The following NAA38 variants were observed in gnomAD, a reference collection of about 807,000 sequenced individuals.
The protein encoded by NAA38 is LSM domain containing 1.
A neutral mutation model predicts 12.6 loss-of-function variants in NAA38; 15 were observed. The ratio of observed to expected loss-of-function variants is 1.19; its 90% CI spans 0.79 to 1.83. NAA38 has a LOEUF of 1.83. Among genes scored for constraint, NAA38 ranks in the 40% most tolerant of loss-of-function variants. NAA38 has a pLI of 0.00. For synonymous variants in NAA38, 88 were observed against 69.9 expected, an observed-to-expected ratio of 1.26 and a Z score of -1.29; for missense variants, 183 against 171.7, an observed-to-expected ratio of 1.07 and a Z score of -0.37.
rs369114903 is a variant in NAA38, at chr17:7,879,729, G to C, written c.-66+3506C>G. On this transcript the variant is annotated intron_variant, in intron 2 of 4. Transcript: ENST00000576861. ...TTATTTTTTGAAGTACTGAAAGACAGAAGAAGGCAGAGACTGATGCCCCAC... is the reference window on the plus strand; with the variant it reads ...TTATTTTTTGAAGTACTGAAAGACACAAGAAGGCAGAGACTGATGCCCCAC... 2.1e-3 allele frequency among the ~76,000 whole-genome samples: 321 copies of C among 152,216 alleles called. 2 individuals carry two copies. The highest frequency in any genetic ancestry group is 7.2e-3 in the African/African-American group (301 of 41,522).
intron 2 of NAA38, among the ~76,000 whole-genome samples, chr17:7,878,261 A>C (rs565801719): frequency 1.3e-5 from 2 of 152,152 alleles, no homozygotes; most frequent in Non-Finnish European, 2.9e-5. Context: ...TGATATATAG[A>C]TATGGCAAAT....
At chr17:7,872,280 A>T (rs1444331454) in intron 2 of NAA38, among the ~76,000 whole-genome samples, 26 of 152,196 alleles carry the variant, frequency 1.7e-4, no homozygotes, top group Admixed American at 1.6e-3. Flanking sequence ...CACCCCCAAG[A>T]TCAGGAAAAT....
At chr17:7,865,715 C>G (rs1234211774) in intron 3 of NAA38, 1 of 152,074 alleles carries the variant, frequency 6.6e-6, no homozygotes, top group African/African-American at 2.4e-5. Flanking sequence ...GGATGTGAGA[C>G]ATAATTGTGG....
chr17:7,885,008 C>A, intron 1 of NAA38: 1 of 1,238,482 alleles, frequency 8.1e-7, no homozygotes, highest in South Asian at 3.7e-5. Flanking sequence ...CCACAGCCCC[C>A]CCGGCTGCCA....
intron 2 of NAA38, among the ~76,000 whole-genome samples, chr17:7,874,908 A>AAG (rs1967147861): frequency 6.7e-6 from 1 of 149,058 alleles, no homozygotes; most frequent in Non-Finnish European, 1.5e-5. Flanking sequence ...AAAAAAAAAA[A>AAG]ATTAGGTCGG....
upstream of NAA38, chr17:7,857,634 A>G: frequency 7.4e-7 from 1 of 1,353,272 alleles, no homozygotes; most frequent in Non-Finnish European, 9.5e-7. Context: ...CTACTTCTCT[A>G]GCGCTGTGGC....
chr17:7,884,812 T>C (rs1967484971), intron 1 of NAA38: 2 of 670,374 alleles, frequency 3.0e-6, no homozygotes, highest in East Asian at 5.0e-5. Context: ...ACAGGATGGC[T>C]TCCCCTCTGA....
intron 2 of NAA38, among the ~76,000 whole-genome samples, chr17:7,876,602 C>T (rs971487233): frequency 1.3e-5 from 2 of 152,106 alleles, no homozygotes; most frequent in African/African-American, 4.8e-5. Context: ...AAGTTATTTA[C>T]TTGCTTCCCC....
intron 2 of NAA38, among the ~76,000 whole-genome samples, chr17:7,869,266 G>T (rs1051427444): frequency 6.6e-6 from 1 of 152,166 alleles, no homozygotes; most frequent in African/African-American, 2.4e-5. Flanking sequence ...TAAATAGCTT[G>T]CCCAGGGTCA....
upstream of NAA38, chr17:7,858,280 C>CA: frequency 6.2e-7 from 1 of 1,613,984 alleles, no homozygotes; most frequent in Non-Finnish European, 8.5e-7. Flanking sequence ...ACGTCATTGG[C>CA]ACAGGAATAC....
At chr17:7,859,486 G>A (rs561396459), upstream of NAA38, 26 of 1,614,130 alleles carry the variant, frequency 1.6e-5, 1 homozygote, top group South Asian at 2.9e-4. Flanking sequence ...ACCTGAACAT[G>A]GATTTTACCC....
At chr17:7,869,085 G>A (rs1967039079) in intron 2 of NAA38, among the ~76,000 whole-genome samples, 1 of 152,238 alleles carries the variant, frequency 6.6e-6, no homozygotes, top group Non-Finnish European at 1.5e-5. Context: ...AACCTCTGAA[G>A]AGAGAAGTGG....
At position 7,857,531 on chromosome 17, in the gene NAA38, T is replaced by C; in HGVS notation, c.-68A>G. On this transcript the variant is annotated 5_prime_UTR_variant, in exon 1 of 3. Transcript: ENST00000575771. The stretch of plus-strand genomic sequence containing the variant: ...CTTTCAGGTTGGGTGGTCCGAGATC[T>C]CGCGAGCGCTCCCGACCTCTTTCCT... 1 of 1,466,322 alleles carries C rather than the reference T, an allele frequency of 6.8e-7. No individual in the cohort carries two copies. The highest frequency in any genetic ancestry group is 2.4e-5 in the East Asian group (1 of 40,828). The allele number at this position is 1,466,322 out of a possible 1,614,324, so 90.8% of individuals were successfully genotyped here.
rs779422839 is a variant in NAA38, at chr17:7,857,145, T to C, written c.135A>G (p.Leu45=). Residue 45 remains leucine (L), a synonymous_variant, in exon 2 of 3, where the codon CTA becomes CTG. Transcript: ENST00000575771. ...DSAAERARQQ[L]EALLNKTMRI... ...GCATAGTCTTGTTGAGCAGCGCCTC[T>C]AGCTGCTGTCGGGCGCGCTCAGCCG... The C allele has an allele frequency of 3.7e-6, 6 of 1,613,128 alleles. No individual in the cohort carries two copies. The highest frequency in any genetic ancestry group is 2.7e-5 in the African/African-American group (2 of 75,074).
At chr17:7,870,886 C>T (rs1335860915) in intron 2 of NAA38, among the ~76,000 whole-genome samples, 2 of 122,372 alleles carry the variant, frequency 1.6e-5, no homozygotes, top group African/African-American at 6.6e-5. Flanking sequence ...AAGACTCCAC[C>T]TCAAAAAAAA....
At chr17:7,885,045 C>CGCCACCGCT in intron 1 of NAA38, 7 of 1,083,412 alleles carry the variant, frequency 6.5e-6, no homozygotes, top group Non-Finnish European at 7.8e-6. Flanking sequence ...CCGCCGCCGC[C>CGCCACCGCT]GCCACCGCTG....
chr17:7,868,580 A>G lies in NAA38; in HGVS notation c.-65-2022T>C, dbSNP rs575796022. Among the ~76,000 whole-genome samples the G allele has an allele frequency of 8.0e-4, 122 of 152,326 alleles. 1 individual carries two copies. In the Middle Eastern group the frequency reaches 0.017, roughly 21 times the overall value. ...CAACAGGCAAGACCCAGGACATGGT[A>G]CCCTAAAAAGATGCTACCTTATAGT... On this transcript the variant is annotated intron_variant, in intron 2 of 4. Coordinates refer to the NAA38 transcript ENST00000576861.
upstream of NAA38, chr17:7,858,023 A>AT (rs368066888): frequency 1.4e-4 from 207 of 1,533,132 alleles, no homozygotes; most frequent in East Asian, 4.1e-3. Flanking sequence ...ATGTCAGCGG[A>AT]TAAACGCTCT....
At chr17:7,870,811 T>C (rs368767146) in intron 2 of NAA38, among the ~76,000 whole-genome samples, 1 of 149,808 alleles carries the variant, frequency 6.7e-6, no homozygotes, top group East Asian at 2.0e-4. Flanking sequence ...TGCTTGAACC[T>C]GGGAGGTGGA....
Sources: gnomAD v4.1 joint callset for allele counts (sites outside exome capture counted in the v4.1 genomes callset) on GRCh38, gnomAD v4.1.1 for gene constraint, MANE v1.5 for transcripts, NCBI Gene and HGNC (gene_info 2026-07-23, HGNC 2026-07-21) for gene names.